Variants in TJP1 observed in about 807,000 individuals in gnomAD.
TJP1 encodes tight junction protein ZO-1.
Under a neutral mutation model 194.2 loss-of-function variants are expected in TJP1, and 43 were observed. The ratio of observed to expected loss-of-function variants is 0.22; its 90% CI spans 0.17 to 0.29. TJP1 has a LOEUF of 0.29. Ranked by LOEUF, TJP1 falls within the 10% of genes least tolerant of loss-of-function variation. TJP1 has a pLI of 1.00. For missense variants in TJP1, 1,971 were observed against 2,185.7 expected (o/e 0.90, Z 1.96); for synonymous variants, 801 against 779.0 (o/e 1.03, Z -0.47).
chr15:29,882,699 C>T (rs902603992), intron 2 of TJP1, among the ~76,000 whole-genome samples: 2 of 152,166 alleles, frequency 1.3e-5, no homozygotes, highest in Admixed American at 1.3e-4. Flanking sequence ...AATGACCCTC[C>T]CCAAACGAAG....
chr15:29,880,831 T>C (rs1005782007), intron 2 of TJP1, among the ~76,000 whole-genome samples: 2 of 152,198 alleles, frequency 1.3e-5, no homozygotes, highest in African/African-American at 4.8e-5. Flanking sequence ...ATTTTCTTTA[T>C]CCATTCCTCT....
In TJP1 at chr15:29,920,655, G is replaced by A. The variant is rs541900361; in HGVS notation, c.306+35577C>T. On this transcript the variant is annotated intron_variant, in intron 2 of 28. Transcript: ENST00000356107. ...GGAGCATTTGCATCTGCGGGGCGAA[G>A]GTGCTGAGTGGGAGGAGCGGCCACT... is the stretch of plus-strand genomic sequence containing the variant. 2.6e-5 allele frequency among the ~76,000 whole-genome samples: 4 copies of A among 152,284 alleles called. No individual in the cohort carries two copies. The South Asian group carries it at 6.2e-4, about 24-fold the overall frequency.
Position 29,905,448 on chromosome 15 carries a change from T to C in TJP1, c.306+50784A>G, listed in dbSNP as rs775116525. Among the ~76,000 whole-genome samples, 11 of 152,328 alleles carry C rather than the reference T, an allele frequency of 7.2e-5. No homozygotes were observed. The South Asian group carries it at 1.9e-3, about 26-fold the overall frequency. ...CAAAGTACCATGATGGGAAGATAGT[T>C]TGGCAGTTTCTTACAAAACCAAACA... On this transcript the variant is annotated intron_variant, in intron 2 of 28. Coordinates refer to the TJP1 transcript ENST00000356107.
chr15:29,730,286 T>C (rs1033741311), intron 15 of TJP1, among the ~76,000 whole-genome samples: 19 of 151,952 alleles, frequency 1.3e-4, no homozygotes, highest in African/African-American at 4.6e-4. Flanking sequence ...AAAAACAGTT[T>C]AAAAATAAAA....
Position 29,733,344 on chromosome 15 carries a change from A to G in TJP1, c.1517-31T>C, listed in dbSNP as rs756477808. ...AGGAATAAAAACAAACACATTATCA[A>G]TATTTAGTGGGATAACAATCTGAAA... On this transcript the variant is annotated intron_variant, in intron 12 of 27. Coordinates refer to ENST00000614355, the MANE Select transcript of TJP1 (RefSeq NM_001330239.4). The G allele has an allele frequency of 6.4e-5, 91 of 1,428,668 alleles. 2 individuals are homozygous for G. In the South Asian group the frequency reaches 6.4e-4, roughly 10 times the overall value. The allele number at this position is 1,428,668 out of a possible 1,614,324, so 88.5% of individuals were successfully genotyped here.
chr15:29,713,043 C>T (rs1195459617), intron 23 of TJP1, among the ~76,000 whole-genome samples: 2 of 152,168 alleles, frequency 1.3e-5, no homozygotes, highest in Non-Finnish European at 2.9e-5. Flanking sequence ...GGTGAAGCTG[C>T]ATGCTTGATG....
intron 2 of TJP1, among the ~76,000 whole-genome samples, chr15:29,787,262 T>C (rs1355625209): frequency 6.6e-6 from 1 of 152,196 alleles, no homozygotes; most frequent in East Asian, 1.9e-4. Flanking sequence ...ATAATGAATT[T>C]GGACCCCTAC....
intron 2 of TJP1, among the ~76,000 whole-genome samples, chr15:29,863,231 T>C (rs1206107468): frequency 6.6e-6 from 1 of 151,772 alleles, no homozygotes; most frequent in Non-Finnish European, 1.5e-5. Flanking sequence ...AGGAGGCGGA[T>C]GTTGCAGTGA....
At chr15:29,758,088 A>C (rs374262140) in intron 8 of TJP1, among the ~76,000 whole-genome samples, 26 of 152,344 alleles carry the variant, frequency 1.7e-4, no homozygotes, top group African/African-American at 5.8e-4. Flanking sequence ...TACTTTAAGA[A>C]TACTGAATAT....
chr15:29,835,135 A>G (rs1219994955), intron 2 of TJP1, among the ~76,000 whole-genome samples: 1 of 152,174 alleles, frequency 6.6e-6, no homozygotes, highest in East Asian at 1.9e-4. Flanking sequence ...ATCTAGGTTA[A>G]AAGCTGAAGA....
chr15:29,878,489 T>C (rs1465075234), intron 2 of TJP1, among the ~76,000 whole-genome samples: 1 of 152,180 alleles, frequency 6.6e-6, no homozygotes, highest in Admixed American at 6.5e-5. Context: ...CTCAAATAAA[T>C]ACCTCATTTT....
At chr15:29,773,454 A>C in intron 2 of TJP1, 97 bp from the exon 3 acceptor site, 1 of 1,212,542 alleles carries the variant, frequency 8.2e-7, no homozygotes, top group South Asian at 1.5e-5. Flanking sequence ...TAAAAATTAC[A>C]ATCTTAATAT....
At chr15:29,764,668 T>C (rs543778016) in intron 5 of TJP1, among the ~76,000 whole-genome samples, 2 of 152,320 alleles carry the variant, frequency 1.3e-5, no homozygotes, top group Non-Finnish European at 1.5e-5. Flanking sequence ...AACTACCATG[T>C]CATCTGGGAA....
In TJP1 at chr15:29,700,450, T is replaced by C. The variant is rs531281823; in HGVS notation, c.*1145A>G. On this transcript the variant is annotated 3_prime_UTR_variant, in exon 28 of 28. Coordinates refer to ENST00000614355, the MANE Select transcript of TJP1 (RefSeq NM_001330239.4). Reference sequence around the variant, plus strand: ...ATGTAACAACTCTGTGCATCCTTTTTCTTAAAAAAAATGACCTTGCATGTG... The same window carrying C: ...ATGTAACAACTCTGTGCATCCTTTTCCTTAAAAAAAATGACCTTGCATGTG... 521 of 398,900 alleles carry C rather than the reference T, an allele frequency of 1.3e-3. 2 individuals carry two copies. Among genetic ancestry groups the C allele is most frequent in the Non-Finnish European group, 1.8e-3 (405 of 226,032 alleles). 24.7% of individuals were successfully genotyped at this position (398,900 alleles called of 1,614,324 possible). A position where few individuals can be genotyped will look rare whatever the true frequency, so the allele number is the denominator to read the frequency against.
intron 23 of TJP1, among the ~76,000 whole-genome samples, chr15:29,711,416 A>G (rs1450866999): frequency 1.3e-5 from 2 of 152,140 alleles, no homozygotes; most frequent in Admixed American, 6.5e-5. Context: ...CCCAGACTGG[A>G]GTGCAGTGGC....
chr15:29,916,325 T>G (rs1179898200), intron 2 of TJP1, among the ~76,000 whole-genome samples: 1 of 151,906 alleles, frequency 6.6e-6, no homozygotes. Flanking sequence ...TCTCTAGCAT[T>G]TTTGTAAGGT....
rs578199087 is a variant in TJP1 at position 29,933,720 on chromosome 15, T to C, written c.306+22512A>G. Among the ~76,000 whole-genome samples, 13 of 152,258 alleles carry C rather than the reference T, an allele frequency of 8.5e-5. No homozygotes were observed. In the East Asian group the frequency reaches 2.3e-3, roughly 27 times the overall value. ...TTAGAGATCTGTTATCTGTCTACCT[T>C]CTCTGGGCGAGAAGCCCAGTATACT... On this transcript the variant is annotated intron_variant, in intron 2 of 28. Transcript: ENST00000356107.
At chr15:29,773,106 TATG>T in intron 3 of TJP1, 124 bp downstream of exon 3, 2 of 1,138,392 alleles carry the variant, frequency 1.8e-6, no homozygotes, top group Non-Finnish European at 2.4e-6. Context: ...AGGAAAAATA[TATG>T]AAGCATGGCA....
intron 2 of TJP1, among the ~76,000 whole-genome samples, chr15:29,920,275 T>C (rs1348211795): frequency 3.9e-5 from 6 of 152,120 alleles, no homozygotes. Flanking sequence ...AAAGCCCAAG[T>C]TGTAAGTGGT....
Sources: allele counts gnomAD v4.1 joint callset (sites outside exome capture counted in the v4.1 genomes callset), GRCh38; gene constraint gnomAD v4.1.1; transcripts MANE v1.5; gene names NCBI Gene and HGNC (gene_info 2026-07-23, HGNC 2026-07-21).